CBLN2: variants seen among roughly 807,000 people sequenced by gnomAD.
The protein encoded by CBLN2 is cerebellin-2.
In CBLN2, 7 loss-of-function variants were observed where a neutral mutation model predicts 15.0. The ratio of observed to expected loss-of-function variants is 0.47; its 90% confidence interval spans 0.27 to 0.88. The LOEUF (loss-of-function observed/expected upper bound fraction) is 0.88, where lower values mean the gene tolerates loss of function less well. CBLN2 is among the 40% of genes least tolerant of loss of function. CBLN2 has a pLI of 0.14. For synonymous variants in CBLN2, 149 were observed against 135.2 expected (o/e 1.10, Z -0.71); for missense variants, 242 against 304.5 (o/e 0.79, Z 1.53).
intron 1 of CBLN2, among the ~76,000 whole-genome samples, chr18:72,630,185 A>G (rs989213036): frequency 1.3e-5 from 2 of 152,208 alleles, no homozygotes; most frequent in Non-Finnish European, 2.9e-5. Context: ...ATCACTTTTT[A>G]TACCACAAAA....
intron 1 of CBLN2, among the ~76,000 whole-genome samples, chr18:72,549,897 C>T (rs566472861): frequency 4.6e-4 from 69 of 150,692 alleles, no homozygotes; most frequent in African/African-American, 1.2e-3. Context: ...GAAGATTTTA[C>T]GTGTTTTTGT....
At chr18:72,565,560 T>G (rs1253698462) in intron 1 of CBLN2, among the ~76,000 whole-genome samples, 1 of 152,160 alleles carries the variant, frequency 6.6e-6, no homozygotes, top group Non-Finnish European at 1.5e-5. Flanking sequence ...CGAAGTTAAG[T>G]TGTTATCAAC....
intron 1 of CBLN2, among the ~76,000 whole-genome samples, chr18:72,582,458 A>G (rs1447121430): frequency 6.6e-6 from 1 of 152,130 alleles, no homozygotes; most frequent in African/African-American, 2.4e-5. Flanking sequence ...AGACAGGCAC[A>G]CTTGCCATAA....
At chr18:72,617,787 T>C (rs2069672157) in intron 1 of CBLN2, among the ~76,000 whole-genome samples, 1 of 152,148 alleles carries the variant, frequency 6.6e-6, no homozygotes, top group Non-Finnish European at 1.5e-5. Flanking sequence ...TGAAAACATA[T>C]AATCTGTATA....
chr18:72,538,406 T>C, intron 4 of CBLN2, 33 bp from the exon 5 acceptor site: 1 of 1,605,636 alleles, frequency 6.2e-7, no homozygotes, highest in Non-Finnish European at 8.5e-7. Flanking sequence ...CAGCAGACCA[T>C]AAAGCACCCA....
intron 1 of CBLN2, chr18:72,620,572 G>T: frequency 6.6e-6 from 1 of 152,354 alleles, no homozygotes; most frequent in Non-Finnish European, 1.5e-5. Context: ...CATAGGCACA[G>T]GATGAGGGGC....
intron 1 of CBLN2, among the ~76,000 whole-genome samples, chr18:72,608,734 T>C (rs903587303): frequency 1.3e-5 from 2 of 152,162 alleles, no homozygotes; most frequent in African/African-American, 4.8e-5. Context: ...TGAGGGGCAG[T>C]ATATTAGTCT....
intron 1 of CBLN2, chr18:72,619,247 G>A (rs542286973): frequency 1.2e-5 from 11 of 920,042 alleles, no homozygotes; most frequent in African/African-American, 1.1e-4. Context: ...ACAAAGCTTA[G>A]CAGGAGAGGA....
intron 1 of CBLN2, among the ~76,000 whole-genome samples, chr18:72,577,751 T>C (rs1242578525): frequency 6.6e-6 from 1 of 152,224 alleles, no homozygotes; most frequent in East Asian, 1.9e-4. Flanking sequence ...ACAACTGATT[T>C]CATGTTCATC....
intron 1 of CBLN2, among the ~76,000 whole-genome samples, chr18:72,578,591 G>A (rs1233534563): frequency 6.6e-5 from 10 of 152,094 alleles, no homozygotes; most frequent in African/African-American, 2.2e-4. Flanking sequence ...TTTTTTAAAA[G>A]GCTTACAATG....
rs139795432 is a variant in CBLN2 at position 72,588,013 on chromosome 18, T to G, written c.16-49241A>C. Among the ~76,000 whole-genome samples the G allele has an allele frequency of 1.1e-4, 16 of 152,318 alleles. No homozygotes were observed. In the East Asian group the frequency reaches 2.9e-3, roughly 28 times the overall value. On this transcript the variant is annotated intron_variant, in intron 1 of 2. Coordinates refer to the CBLN2 transcript ENST00000581073. ...ATAATAATTATCATAGAGATTGCAT[T>G]GTATTTGAATAAGGCTTTAGGGTTT...
intron 1 of CBLN2, chr18:72,631,112 T>A (rs1465654535): frequency 6.6e-6 from 1 of 152,160 alleles, no homozygotes; most frequent in Admixed American, 6.6e-5. Flanking sequence ...AACAAGGAGA[T>A]TAGATGCTTC....
At chr18:72,601,427 AT>A (rs1368700973) in intron 1 of CBLN2, among the ~76,000 whole-genome samples, 1 of 132,328 alleles carries the variant, frequency 7.6e-6, no homozygotes, top group Admixed American at 7.3e-5. Flanking sequence ...ATGTGCCACA[AT>A]TCCATAAATA....
chr18:72,634,738 C>T (rs1286686976), intron 1 of CBLN2, among the ~76,000 whole-genome samples: 1 of 152,110 alleles, frequency 6.6e-6, no homozygotes, highest in African/African-American at 2.4e-5. Flanking sequence ...TTTAGTTATG[C>T]TCAAATAAAA....
intron 1 of CBLN2, among the ~76,000 whole-genome samples, chr18:72,637,556 G>A (rs1307791152): frequency 6.6e-6 from 1 of 152,194 alleles, no homozygotes; most frequent in Non-Finnish European, 1.5e-5. Context: ...TACCGTGACA[G>A]GAAGACTTTT....
chr18:72,538,910 C>A, intron 3 of CBLN2, 138 bp from the exon 4 acceptor site: 1 of 1,123,492 alleles, frequency 8.9e-7, no homozygotes, highest in Non-Finnish European at 1.2e-6. Context: ...AGCATTCTGG[C>A]TTCCCCAGGA....
At position 72,538,155 on chromosome 18, in the gene CBLN2, A is replaced by C; in HGVS notation, c.*21T>G. On this transcript the variant is annotated 3_prime_UTR_variant, in exon 5 of 5. Transcript: ENST00000269503. ...CCTGGGTCCAGTTTGCCATTCCCCC[A>C]CCATCTAGGGGGCTCTGTGTTTATA... is the stretch of plus-strand genomic sequence containing the variant. The C allele has an allele frequency of 2.5e-6, 4 of 1,613,018 alleles. No individual in the cohort carries two copies. Among genetic ancestry groups the C allele is most frequent in the Non-Finnish European group, 3.4e-6 (4 of 1,179,184 alleles).
intron 1 of CBLN2, among the ~76,000 whole-genome samples, chr18:72,562,196 T>C (rs1415670311): frequency 6.6e-6 from 1 of 152,168 alleles, no homozygotes; most frequent in African/African-American, 2.4e-5. Flanking sequence ...AGGTGAGGAC[T>C]GATACGGGGT....
At chr18:72,610,968 C>A (rs1421264542) in intron 1 of CBLN2, among the ~76,000 whole-genome samples, 1 of 152,072 alleles carries the variant, frequency 6.6e-6, no homozygotes, top group Non-Finnish European at 1.5e-5. Context: ...ATTTAGCTTC[C>A]ACTTATAAGT....
Sources: allele counts gnomAD v4.1 joint callset (sites outside exome capture counted in the v4.1 genomes callset), GRCh38; gene constraint gnomAD v4.1.1; transcripts MANE v1.5; gene names NCBI Gene and HGNC (gene_info 2026-07-23, HGNC 2026-07-21).